Variants in TMEM132C observed in about 807,000 individuals in gnomAD.
The protein encoded by TMEM132C is transmembrane protein 132C.
A neutral mutation model predicts 61.4 loss-of-function variants in TMEM132C; 29 were observed. The observed-to-expected ratio is 0.47, with a 90% CI of 0.35 to 0.64. The LOEUF is 0.64. Ranked by LOEUF, TMEM132C falls within the 30% of genes least tolerant of loss-of-function variation. TMEM132C has a pLI of 0.00. For missense variants in TMEM132C, 1,408 were observed against 1,476.9 expected, an observed-to-expected ratio of 0.95 and a Z score of 0.76; for synonymous variants, 656 against 633.1, an observed-to-expected ratio of 1.04 and a Z score of -0.54.
intron 5 of TMEM132C, among the ~76,000 whole-genome samples, chr12:128,693,446 C>T (rs898591155): frequency 3.9e-5 from 6 of 152,136 alleles, no homozygotes; most frequent in African/African-American, 1.4e-4. Context: ...TTTTCTGTTC[C>T]GGGTGGGGCA....
At chr12:128,429,232 A>G (rs1027556966) in intron 2 of TMEM132C, among the ~76,000 whole-genome samples, 2 of 152,208 alleles carry the variant, frequency 1.3e-5, no homozygotes, top group Non-Finnish European at 2.9e-5. Flanking sequence ...ACTGGCATCT[A>G]GTAAACAGAG....
intron 2 of TMEM132C, among the ~76,000 whole-genome samples, chr12:128,533,022 T>TG (rs148193547): frequency 0.043 from 6,516 of 152,032 alleles, 237 homozygotes; most frequent in East Asian, 0.15. Context: ...GGTCAGTGGG[T>TG]GGGTTTGGAT....
intron 2 of TMEM132C, among the ~76,000 whole-genome samples, chr12:128,462,032 A>C (rs12312163): frequency 0.31 from 47,505 of 152,152 alleles, 11,347 homozygotes; most frequent in African/African-American, 0.67. Flanking sequence ...CTTCACTGTG[A>C]AATCCAGCCT....
At chr12:128,436,035 A>G (rs1470749949) in intron 2 of TMEM132C, among the ~76,000 whole-genome samples, 1 of 152,094 alleles carries the variant, frequency 6.6e-6, no homozygotes, top group African/African-American at 2.4e-5. Context: ...CCTGACAAAA[A>G]CAAGAAATGG....
rs140836555 is a variant in TMEM132C, at chr12:128,374,779, G to A, written c.86-39953G>A. On this transcript the variant is annotated intron_variant, in intron 1 of 8. Transcript: ENST00000435159. ...TACTAAAAATACAAAAATTAGCCAC[G>A]TGCGGTGGCAGGTGCCTGTGATCCC... Among the ~76,000 whole-genome samples the A allele has an allele frequency of 8.4e-4, 128 of 152,100 alleles. 1 individual carries two copies. Among genetic ancestry groups the A allele is most frequent in the Admixed American group, 2.2e-3 (33 of 15,282 alleles).
rs1034454446 is a variant in TMEM132C, at chr12:128,570,090, A to G, written c.1121+25987A>G. Among the ~76,000 whole-genome samples, 40 of 152,226 alleles carry G rather than the reference A, an allele frequency of 2.6e-4. No individual in the cohort carries two copies. The highest frequency in any genetic ancestry group is 9.6e-4 in the African/African-American group (40 of 41,454). ...TATTAGGAAAAATATGAAAAAGCAT[A>G]TAACCCACCGTGAATACAACTGGGG... On this transcript the variant is annotated intron_variant, in intron 3 of 8. Transcript: ENST00000435159. This position sits in a 1 kb window ranked among gnomAD's most constrained non-coding sequence, Gnocchi z 4.7.
At chr12:128,441,526 C>T (rs1459152658) in intron 2 of TMEM132C, among the ~76,000 whole-genome samples, 4 of 152,220 alleles carry the variant, frequency 2.6e-5, no homozygotes, top group Non-Finnish European at 4.4e-5. Flanking sequence ...TTTGGCTCCT[C>T]ACACATATGG....
At chr12:128,652,705 C>T (rs986232868) in intron 4 of TMEM132C, among the ~76,000 whole-genome samples, 1 of 152,192 alleles carries the variant, frequency 6.6e-6, no homozygotes, top group African/African-American at 2.4e-5. Flanking sequence ...TTCTGGAGCC[C>T]CCATTGCTGT....
chr12:128,540,108 C>T (rs142467951), intron 2 of TMEM132C, among the ~76,000 whole-genome samples: 266 of 152,188 alleles, frequency 1.7e-3, no homozygotes, highest in African/African-American at 5.9e-3. Flanking sequence ...ACCATTCCAC[C>T]GACTTTCCAT....
intron 1 of TMEM132C, among the ~76,000 whole-genome samples, chr12:128,283,917 T>C (rs759860108): frequency 2.0e-4 from 31 of 152,150 alleles, no homozygotes; most frequent in Non-Finnish European, 3.2e-4. Flanking sequence ...CTCCTGATGG[T>C]GTTGGGCTGA....
At chr12:128,696,979 G>C (rs145761329) in intron 7 of TMEM132C, among the ~76,000 whole-genome samples, 5 of 152,310 alleles carry the variant, frequency 3.3e-5, no homozygotes, top group Non-Finnish European at 7.4e-5. Context: ...TTTAAAGACA[G>C]AATGGATTTT....
intron 3 of TMEM132C, among the ~76,000 whole-genome samples, chr12:128,599,434 T>G (rs1209095485): frequency 6.6e-6 from 1 of 152,202 alleles, no homozygotes; most frequent in Non-Finnish European, 1.5e-5. Context: ...GGGGCAGCGA[T>G]GATGGCCAGG....
chr12:128,338,538 C>T (rs987550693), intron 1 of TMEM132C, among the ~76,000 whole-genome samples: 10 of 152,010 alleles, frequency 6.6e-5, no homozygotes, highest in Admixed American at 2.0e-4. Flanking sequence ...ACCAGCGTGT[C>T]GCATGCCAAG....
At position 128,447,948 on chromosome 12, in the gene TMEM132C, G is replaced by T. The variant is rs1184831389; in HGVS notation, c.974+32328G>T. Among the ~76,000 whole-genome samples, 2 of 95,478 alleles carry T rather than the reference G, an allele frequency of 2.1e-5. 1 individual carries two copies. Among genetic ancestry groups the T allele is most frequent in the African/African-American group, 1.1e-4 (2 of 17,752 alleles). The allele number at this position is 95,478 out of a possible 152,430, so 62.6% of individuals were successfully genotyped here. On this transcript the variant is annotated intron_variant, in intron 2 of 8. Coordinates refer to ENST00000435159, the MANE Select transcript of TMEM132C (RefSeq NM_001136103.3). ...TCACCTTGTTAGCCAGGATGGTCTC[G>T]ATCTCCTGACCTCATGATCCACCCG...
At chr12:128,344,925 C>CTTT (rs1405355819) in intron 1 of TMEM132C, among the ~76,000 whole-genome samples, 2 of 135,068 alleles carry the variant, frequency 1.5e-5, no homozygotes, top group South Asian at 2.4e-4. Flanking sequence ...AGATGAGTTT[C>CTTT]TTTTTTTTTT....
intron 3 of TMEM132C, among the ~76,000 whole-genome samples, chr12:128,586,124 G>A (rs1875538545): frequency 6.6e-6 from 1 of 152,054 alleles, no homozygotes; most frequent in South Asian, 2.1e-4. Flanking sequence ...GCGGATCTCT[G>A]GGAAGCTCTA....
chr12:128,600,314 CT>C (rs1329125814), intron 3 of TMEM132C, among the ~76,000 whole-genome samples: 2 of 152,124 alleles, frequency 1.3e-5, no homozygotes, highest in African/African-American at 4.8e-5. Flanking sequence ...GGCTTTTCCC[CT>C]TTTTTGCTCA....
At chr12:128,375,367 C>T (rs1874161277) in intron 1 of TMEM132C, among the ~76,000 whole-genome samples, 1 of 152,078 alleles carries the variant, frequency 6.6e-6, no homozygotes, top group South Asian at 2.1e-4. Context: ...ATCTGAAATC[C>T]AGGTGTTGGC....
In TMEM132C at chr12:128,524,505, C is replaced by CT. The variant is rs1028663785; in HGVS notation, c.975-19444dup. Among the ~76,000 whole-genome samples the CT allele has an allele frequency of 3.9e-5, 6 of 151,972 alleles. No homozygotes were observed. In the East Asian group the frequency reaches 5.8e-4, roughly 15 times the overall value. On this transcript the variant is annotated intron_variant, in intron 2 of 8. Coordinates refer to ENST00000435159, the MANE Select transcript of TMEM132C (RefSeq NM_001136103.3). The stretch of plus-strand genomic sequence containing the variant: ...ATTACTTCTTTCTCCTGTTGTTCAC[C>CT]TTTTTTTTCAACTAAGAATATAATT...
Sources: allele counts gnomAD v4.1 joint callset (sites outside exome capture counted in the v4.1 genomes callset), GRCh38; gene constraint gnomAD v4.1.1; non-coding constraint Gnocchi (gnomAD v3.1); transcripts MANE v1.5; gene names NCBI Gene and HGNC (gene_info 2026-07-23, HGNC 2026-07-21).